The following DISC1 variants were observed in gnomAD, a reference collection of about 807,000 sequenced individuals.
The protein encoded by DISC1 is DISC1 scaffold protein, also known as disrupted in schizophrenia 1 protein.
DISC1 carries 57 observed loss-of-function variants against 84.5 expected under a neutral mutation model. That is an observed-to-expected ratio of 0.67 (90% CI 0.55 to 0.84). DISC1 has a LOEUF of 0.84. Among genes scored for constraint, DISC1 ranks in the 40% least tolerant of loss-of-function variants. The pLI is 0.00. For synonymous variants in DISC1, 411 were observed against 415.2 expected (o/e 0.99, Z 0.12); for missense variants, 1,000 against 1,057.8 (o/e 0.95, Z 0.76).
At chr1:231,779,930 CG>C (rs1369704998) in intron 6 of DISC1, among the ~76,000 whole-genome samples, 1 of 152,086 alleles carries the variant, frequency 6.6e-6, no homozygotes, top group Non-Finnish European at 1.5e-5. Flanking sequence ...TGGCTTCTGC[CG>C]GAGGCTATGC....
At chr1:231,944,310 T>A (rs1345237379) in intron 9 of DISC1, among the ~76,000 whole-genome samples, 2 of 152,194 alleles carry the variant, frequency 1.3e-5, no homozygotes, top group African/African-American at 2.4e-5. Context: ...GGGTCAGGTT[T>A]CTGCAGCTAC....
intron 3 of DISC1, among the ~76,000 whole-genome samples, chr1:231,734,505 A>G (rs1043394127): frequency 2.0e-5 from 3 of 151,914 alleles, no homozygotes; most frequent in Non-Finnish European, 2.9e-5. Flanking sequence ...TCTCTCACGC[A>G]CACACACACA....
At chr1:231,727,721 A>G (rs2070930414) in intron 3 of DISC1, among the ~76,000 whole-genome samples, 2 of 152,094 alleles carry the variant, frequency 1.3e-5, no homozygotes, top group Admixed American at 6.5e-5. Flanking sequence ...CCATTTTACA[A>G]TAATCTGGTG....
chr1:231,985,624 G>A (rs187000007), intron 10 of DISC1, among the ~76,000 whole-genome samples: 100 of 152,298 alleles, frequency 6.6e-4, no homozygotes, highest in African/African-American at 2.3e-3. Context: ...GCCTTTGTTT[G>A]TAACCAGTAG....
At chr1:231,958,757 T>C in intron 9 of DISC1, 71 bp from the exon 10 acceptor site, 1 of 1,477,862 alleles carries the variant, frequency 6.8e-7, no homozygotes, top group Non-Finnish European at 9.4e-7. Context: ...GCTTTGAGCT[T>C]TTAGTTGAAT....
rs548917148 is a variant in DISC1, at chr1:231,767,224, C to T, written c.1353C>T (p.Ser451=). 74 of 1,614,206 alleles carry T rather than the reference C, an allele frequency of 4.6e-5. 1 individual carries two copies. In the South Asian group the frequency reaches 6.9e-4, roughly 15 times the overall value. ...EPTAQDSLHV[S]ITRRDWLLQE... Reference sequence around the variant, plus strand: ...CTGCTCAGGACAGCTTGCACGTGTCCATCACGAGACGAGACTGGCTTCTTC... The same window carrying T: ...CTGCTCAGGACAGCTTGCACGTGTCTATCACGAGACGAGACTGGCTTCTTC... Residue 451 remains serine, a synonymous_variant, in exon 5 of 13, where the codon TCC becomes TCT. Coordinates refer to ENST00000439617, the MANE Select transcript of DISC1 (RefSeq NM_018662.3).
At chr1:231,860,189 A>G (rs1195487081) in intron 9 of DISC1, among the ~76,000 whole-genome samples, 1 of 152,242 alleles carries the variant, frequency 6.6e-6, no homozygotes, top group Non-Finnish European at 1.5e-5. Flanking sequence ...GAAATCTATA[A>G]AACTTTAAAG....
At chr1:231,936,411 C>T (rs1356156286) in intron 9 of DISC1, among the ~76,000 whole-genome samples, 1 of 152,142 alleles carries the variant, frequency 6.6e-6, no homozygotes, top group Non-Finnish European at 1.5e-5. Context: ...GGTGAGGTGG[C>T]ATGTGACAGG....
intron 9 of DISC1, among the ~76,000 whole-genome samples, chr1:231,824,956 G>A (rs930881894): frequency 2.0e-5 from 3 of 151,996 alleles, no homozygotes; most frequent in African/African-American, 7.3e-5. Flanking sequence ...GAGTACTTAC[G>A]ATATGCTAGG....
chr1:231,733,539 G>T (rs2071945901), intron 3 of DISC1, among the ~76,000 whole-genome samples: 1 of 147,696 alleles, frequency 6.8e-6, no homozygotes, highest in Non-Finnish European at 1.5e-5. Context: ...TAGTGGTGAT[G>T]ATGGTAGGAG....
chr1:231,996,457 G>A (rs930806794), intron 10 of DISC1, among the ~76,000 whole-genome samples: 46 of 152,146 alleles, frequency 3.0e-4, no homozygotes, highest in African/African-American at 1.1e-3. Context: ...TTCTCTTCTA[G>A]GGTTTTTTTG....
chr1:231,938,063 G>A (rs749793327), intron 9 of DISC1, among the ~76,000 whole-genome samples: 1 of 151,794 alleles, frequency 6.6e-6, no homozygotes, highest in Non-Finnish European at 1.5e-5. Flanking sequence ...TGTTCTTTTG[G>A]TTCTGTCCCC....
chr1:231,809,862 A>G (rs999636685), intron 8 of DISC1, among the ~76,000 whole-genome samples: 5 of 152,222 alleles, frequency 3.3e-5, no homozygotes, highest in African/African-American at 1.2e-4. Context: ...TTGAGGAAAT[A>G]TCCTTTTCTT....
intron 8 of DISC1, among the ~76,000 whole-genome samples, chr1:231,812,036 A>G (rs1209734309): frequency 1.3e-5 from 2 of 152,182 alleles, no homozygotes; most frequent in East Asian, 1.9e-4. Flanking sequence ...AAAATGCCCC[A>G]GGTGCTATGA....
At chr1:231,777,295 C>T (rs531579225) in intron 6 of DISC1, among the ~76,000 whole-genome samples, 5 of 152,276 alleles carry the variant, frequency 3.3e-5, no homozygotes, top group South Asian at 2.1e-4. Flanking sequence ...GATCATGGCT[C>T]ATTGCAGCAT....
At chr1:231,922,947 C>T (rs2126084573) in intron 9 of DISC1, among the ~76,000 whole-genome samples, 1 of 152,232 alleles carries the variant, frequency 6.6e-6, no homozygotes, top group African/African-American at 2.4e-5. Context: ...ACATTTAAAA[C>T]AGCCAAAATG....
intron 3 of DISC1, chr1:231,722,478 C>G: frequency 6.2e-7 from 1 of 1,611,414 alleles, no homozygotes; most frequent in Non-Finnish European, 8.5e-7. Flanking sequence ...ACTGTTAGTC[C>G]CAGTCAAGGA....
At chr1:231,899,509 A>G (rs1435523550) in intron 9 of DISC1, among the ~76,000 whole-genome samples, 2 of 152,178 alleles carry the variant, frequency 1.3e-5, no homozygotes, top group African/African-American at 4.8e-5. Context: ...ATGTGGCTGT[A>G]AGTTTTACCT....
Position 231,949,807 on chromosome 1 carries a change from C to G in DISC1, c.1982-9021C>G, listed in dbSNP as rs190028281. Among the ~76,000 whole-genome samples, 5 of 152,304 alleles carry G rather than the reference C, an allele frequency of 3.3e-5. No homozygotes were observed. The East Asian group carries it at 9.7e-4, about 29-fold the overall frequency. On this transcript the variant is annotated intron_variant, in intron 9 of 12. Transcript: ENST00000439617. ...TCTGCTTTAGAGGGAAAAGTAAATT[C>G]TTTCCTTTTGCGAAATTCCCTCAGT...
Sources: gnomAD v4.1 joint callset for allele counts (sites outside exome capture counted in the v4.1 genomes callset) on GRCh38, gnomAD v4.1.1 for gene constraint, MANE v1.5 for transcripts, NCBI Gene and HGNC (gene_info 2026-07-23, HGNC 2026-07-21) for gene names.